ANKRD6: variants seen among roughly 807,000 people sequenced by gnomAD.
The protein encoded by ANKRD6 is ankyrin repeat domain 6.
In ANKRD6, 56 loss-of-function variants were observed where a neutral mutation model predicts 82.3. The ratio of observed to expected loss-of-function variants is 0.68; its 90% CI spans 0.55 to 0.85. The LOEUF (loss-of-function observed/expected upper bound fraction) is 0.85, where lower values mean the gene tolerates loss of function less well. ANKRD6 is among the 40% of genes least tolerant of loss of function. The probability of loss-of-function intolerance (pLI) is 0.00; values close to 1 mark genes in which losing one functional copy is unlikely to be tolerated. For synonymous variants in ANKRD6, 347 were observed against 352.1 expected, an observed-to-expected ratio of 0.99 and a Z score of 0.16; for missense variants, 852 against 907.6, an observed-to-expected ratio of 0.94 and a Z score of 0.79.
At chr6:89,583,822 G>T (rs1793121006) in intron 2 of ANKRD6, among the ~76,000 whole-genome samples, 2 of 152,212 alleles carry the variant, frequency 1.3e-5, no homozygotes, top group Non-Finnish European at 2.9e-5. Flanking sequence ...GTGGTTCTCA[G>T]TGGCAGTGAA....
chr6:89,480,735 T>C (rs572801862), intron 1 of ANKRD6, among the ~76,000 whole-genome samples: 18 of 151,210 alleles, frequency 1.2e-4, no homozygotes, highest in Middle Eastern at 6.8e-3. Context: ...GCCAGGAGTT[T>C]GAGACCAGTC....
chr6:89,470,858 A>C (rs1775368072), intron 1 of ANKRD6, among the ~76,000 whole-genome samples: 1 of 152,144 alleles, frequency 6.6e-6, no homozygotes, highest in Non-Finnish European at 1.5e-5. Flanking sequence ...CTGCCCATCA[A>C]AAAGGTAATG....
chr6:89,582,250 T>C (rs187068574), intron 2 of ANKRD6, among the ~76,000 whole-genome samples: 1 of 152,308 alleles, frequency 6.6e-6, no homozygotes, highest in East Asian at 1.9e-4. Context: ...GGAGTCTTGC[T>C]ATATTAATTG....
In ANKRD6 at chr6:89,617,968, G is replaced by T. The variant is rs185503513; in HGVS notation, c.729G>T (p.Pro243=). 1.2e-6 allele frequency: 2 copies of T among 1,613,876 alleles called. No homozygotes were observed. The highest frequency in any genetic ancestry group is 2.7e-5 in the African/African-American group (2 of 74,920). Residue 243 remains proline (P), a synonymous_variant, in exon 9 of 16, where the codon CCG becomes CCT. Transcript: ENST00000339746. ...TTIVNNAGQT[P]LETARYHNNP... Reference sequence around the variant, plus strand: ...CCTCTCCTCAGGCAGGCCAGACTCCGCTGGAGACTGCCCGCTACCACAATA... The same window carrying T: ...CCTCTCCTCAGGCAGGCCAGACTCCTCTGGAGACTGCCCGCTACCACAATA...
chr6:89,466,058 C>T (rs1289356174), intron 1 of ANKRD6, among the ~76,000 whole-genome samples: 1 of 152,054 alleles, frequency 6.6e-6, no homozygotes, highest in African/African-American at 2.4e-5. Flanking sequence ...ACCACTATTT[C>T]TTGTATATTT....
intron 1 of ANKRD6, among the ~76,000 whole-genome samples, chr6:89,467,126 G>A (rs1774936954): frequency 6.6e-6 from 1 of 151,704 alleles, no homozygotes; most frequent in African/African-American, 2.4e-5. Context: ...AGTAGTACTT[G>A]GGCTCAGGAG....
intron 5 of ANKRD6, among the ~76,000 whole-genome samples, chr6:89,606,907 T>C (rs1343695844): frequency 6.6e-6 from 1 of 151,962 alleles, no homozygotes; most frequent in Non-Finnish European, 1.5e-5. Flanking sequence ...CAGTGGCTTA[T>C]GCCTGTAATC....
intron 1 of ANKRD6, among the ~76,000 whole-genome samples, chr6:89,518,351 G>A (rs1023212738): frequency 6.6e-5 from 10 of 151,376 alleles, no homozygotes; most frequent in African/African-American, 2.2e-4. Context: ...GCGGTGAGCC[G>A]AGATCGCGCC....
intron 1 of ANKRD6, among the ~76,000 whole-genome samples, chr6:89,512,782 C>G (rs1213933035): frequency 6.6e-6 from 1 of 152,194 alleles, no homozygotes. Context: ...GGATAGATTT[C>G]ATAGCTAATC....
chr6:89,614,308 C>T (rs1053854229), intron 7 of ANKRD6, among the ~76,000 whole-genome samples: 1 of 152,074 alleles, frequency 6.6e-6, no homozygotes, highest in Non-Finnish European at 1.5e-5. Flanking sequence ...AGTTCAAGAC[C>T]AGCCCGGGCA....
In ANKRD6 at chr6:89,630,673, C is replaced by T. The variant is rs1333671770; in HGVS notation, c.1853C>T (p.Thr618Ile). 2 of 1,613,984 alleles carry T rather than the reference C, an allele frequency of 1.2e-6. No homozygotes were observed. The highest frequency in any genetic ancestry group is 2.2e-5 in the South Asian group (2 of 91,078). ...QQAGPCVNRG[T>I]QTKKSGKSGP... Reference sequence around the variant, plus strand: ...GCTGGGCCCTGCGTCAACAGAGGCACTCAAACTAAGAAGTCTGGGAAGAGT... The same window carrying T: ...GCTGGGCCCTGCGTCAACAGAGGCATTCAAACTAAGAAGTCTGGGAAGAGT... The change falls in exon 16 of 16, where the codon ACT (threonine) becomes ATT (isoleucine). Residue 618 changes from threonine (T) to isoleucine (I), a missense_variant. Coordinates refer to ENST00000339746, the MANE Select transcript of ANKRD6 (RefSeq NM_001242809.2).
chr6:89,608,938 C>T (rs921600841), intron 5 of ANKRD6, among the ~76,000 whole-genome samples: 4 of 152,210 alleles, frequency 2.6e-5, no homozygotes, highest in East Asian at 3.9e-4. Flanking sequence ...GCTGGCCCAC[C>T]TCTGGAGTTC....
chr6:89,530,546 C>T (rs1783018983), intron 1 of ANKRD6, among the ~76,000 whole-genome samples: 1 of 152,168 alleles, frequency 6.6e-6, no homozygotes, highest in Non-Finnish European at 1.5e-5. Context: ...GTTTCAGTGG[C>T]AACTGGGAGT....
At chr6:89,501,845 TAA>T (rs551869448) in intron 1 of ANKRD6, among the ~76,000 whole-genome samples, 1 of 145,720 alleles carries the variant, frequency 6.9e-6, no homozygotes. Flanking sequence ...GGAGTTATCT[TAA>T]AAAAAAAAAG....
At chr6:89,461,177 G>T (rs1197479824) in intron 1 of ANKRD6, among the ~76,000 whole-genome samples, 1 of 152,182 alleles carries the variant, frequency 6.6e-6, no homozygotes, top group Non-Finnish European at 1.5e-5. Flanking sequence ...GCCTCCTGAA[G>T]TGTTGGGATT....
At chr6:89,578,147 G>C (rs898543739) in intron 2 of ANKRD6, among the ~76,000 whole-genome samples, 2 of 152,166 alleles carry the variant, frequency 1.3e-5, no homozygotes, top group Admixed American at 6.5e-5. Flanking sequence ...ATCTACTTCA[G>C]TTTAAATAGG....
At chr6:89,610,497 A>G (rs1310531828) in intron 5 of ANKRD6, among the ~76,000 whole-genome samples, 1 of 152,100 alleles carries the variant, frequency 6.6e-6, no homozygotes, top group Non-Finnish European at 1.5e-5. Context: ...ATCCAAACCT[A>G]TGGTTTTTAA....
intron 1 of ANKRD6, among the ~76,000 whole-genome samples, chr6:89,444,410 A>G (rs1771803335): frequency 6.6e-6 from 1 of 152,204 alleles, no homozygotes; most frequent in African/African-American, 2.4e-5. Flanking sequence ...AGTACTCAAT[A>G]TGATTGAAGT....
At chr6:89,591,649 G>T (rs575930236) in intron 2 of ANKRD6, among the ~76,000 whole-genome samples, 2 of 152,272 alleles carry the variant, frequency 1.3e-5, no homozygotes, top group Non-Finnish European at 2.9e-5. Flanking sequence ...TCTCCAAAGG[G>T]CTCTATTTTT....
Sources: gnomAD v4.1 joint callset for allele counts (sites outside exome capture counted in the v4.1 genomes callset) on GRCh38, gnomAD v4.1.1 for gene constraint, MANE v1.5 for transcripts, NCBI Gene and HGNC (gene_info 2026-07-23, HGNC 2026-07-21) for gene names.